RALYL: variants seen among roughly 807,000 people sequenced by gnomAD.
RALYL encodes the protein RALY RNA binding protein like.
Under a neutral mutation model 35.1 loss-of-function variants are expected in RALYL, and 29 were observed. The ratio of observed to expected loss-of-function variants is 0.83; its 90% CI spans 0.61 to 1.13. The LOEUF (loss-of-function observed/expected upper bound fraction) is 1.13. RALYL is among the 50% of genes most tolerant of loss of function. The pLI is 0.00. For synonymous variants in RALYL, 120 were observed against 127.6 expected (o/e 0.94, Z 0.40); for missense variants, 359 against 360.4 (o/e 1.00, Z 0.03).
At chr8:84,511,340 G>A (rs1357273810) in intron 1 of RALYL, among the ~76,000 whole-genome samples, 1 of 152,168 alleles carries the variant, frequency 6.6e-6, no homozygotes, top group Non-Finnish European at 1.5e-5. Context: ...ATAGAATTAA[G>A]TGAATTAATA....
intron 6 of RALYL, among the ~76,000 whole-genome samples, chr8:84,863,750 G>T (rs746302051): frequency 2.0e-5 from 3 of 152,148 alleles, no homozygotes; most frequent in Admixed American, 6.5e-5. Context: ...GCTAAAGTTT[G>T]TTGTACTCAA....
chr8:84,634,180 T>G (rs1824528555), intron 2 of RALYL, among the ~76,000 whole-genome samples: 1 of 151,840 alleles, frequency 6.6e-6, no homozygotes, highest in Non-Finnish European at 1.5e-5. Context: ...AGAGTACACA[T>G]TATAACATGC....
At chr8:84,209,305 CCT>C in intron 1 of RALYL, among the ~76,000 whole-genome samples, 1 of 152,172 alleles carries the variant, frequency 6.6e-6, no homozygotes. Context: ...TTGTAACCTC[CCT>C]TTCTGTGGCC....
At chr8:84,223,129 TTTCCTTTCCTTTC>T (rs1822751287) in intron 1 of RALYL, among the ~76,000 whole-genome samples, 2 of 146,062 alleles carry the variant, frequency 1.4e-5, no homozygotes, top group Non-Finnish European at 3.0e-5. Flanking sequence ...TTTCCTTTCC[TTTCCTTTCCTTTC>T]CTTTCCTTTC....
At chr8:84,487,157 A>G (rs2054729024) in intron 1 of RALYL, among the ~76,000 whole-genome samples, 1 of 152,150 alleles carries the variant, frequency 6.6e-6, no homozygotes, top group South Asian at 2.1e-4. Flanking sequence ...AGTGATACAT[A>G]ATAAAACATG....
At chr8:84,750,317 G>A (rs901712871) in intron 2 of RALYL, among the ~76,000 whole-genome samples, 1 of 152,122 alleles carries the variant, frequency 6.6e-6, no homozygotes, top group African/African-American at 2.4e-5. Flanking sequence ...TTTTTAACAA[G>A]ATAGAAACTA....
At chr8:84,260,828 T>C (rs1215447360) in intron 1 of RALYL, among the ~76,000 whole-genome samples, 1 of 152,188 alleles carries the variant, frequency 6.6e-6, no homozygotes, top group African/African-American at 2.4e-5. Flanking sequence ...TTCTCCTCTA[T>C]ATGTTGATTA....
intron 1 of RALYL, among the ~76,000 whole-genome samples, chr8:84,467,922 T>G (rs1004587497): frequency 3.6e-5 from 5 of 137,816 alleles, no homozygotes; most frequent in African/African-American, 1.4e-4. Context: ...TCTTTTGATC[T>G]TTGTTGGTTT....
At chr8:84,865,176 A>G (rs1838939774) in intron 6 of RALYL, among the ~76,000 whole-genome samples, 1 of 152,166 alleles carries the variant, frequency 6.6e-6, no homozygotes, top group Non-Finnish European at 1.5e-5. Context: ...TACTTTTTAT[A>G]ATTAGGTTGG....
intron 1 of RALYL, among the ~76,000 whole-genome samples, chr8:84,365,761 A>C (rs1854116866): frequency 6.6e-6 from 1 of 152,188 alleles, no homozygotes; most frequent in Non-Finnish European, 1.5e-5. Context: ...TCAGAAAATG[A>C]ATTTTTTAGA....
At chr8:84,597,745 A>G (rs185891827) in intron 2 of RALYL, among the ~76,000 whole-genome samples, 5 of 152,318 alleles carry the variant, frequency 3.3e-5, no homozygotes, top group Admixed American at 2.6e-4. Context: ...TTTAAATTTC[A>G]GTGTCCATAA....
At chr8:84,564,123 A>T (rs565598506) in intron 2 of RALYL, among the ~76,000 whole-genome samples, 1 of 151,888 alleles carries the variant, frequency 6.6e-6, no homozygotes, top group African/African-American at 2.4e-5. Flanking sequence ...TCTTCTGTCA[A>T]TTCTAACTTC....
rs1296084963 is a variant in RALYL at position 84,351,542 on chromosome 8, C to T, written c.-24+167118C>T. Among the ~76,000 whole-genome samples, 5 of 148,798 alleles carry T rather than the reference C, an allele frequency of 3.4e-5. 1 individual carries two copies. Among genetic ancestry groups the T allele is most frequent in the African/African-American group, 1.3e-4 (5 of 39,680 alleles). ...ATGATTGACTTGCCTCTGAATTATCCCTACCATGTGGCCAACTAGATACCC... is the reference window on the plus strand; with the variant it reads ...ATGATTGACTTGCCTCTGAATTATCTCTACCATGTGGCCAACTAGATACCC... On this transcript the variant is annotated intron_variant, in intron 1 of 8. Coordinates refer to ENST00000521268, the MANE Select transcript of RALYL (RefSeq NM_173848.7).
intron 2 of RALYL, among the ~76,000 whole-genome samples, chr8:84,668,638 G>A (rs1832562034): frequency 6.6e-6 from 1 of 151,886 alleles, no homozygotes; most frequent in Non-Finnish European, 1.5e-5. Flanking sequence ...AAATAGAGAG[G>A]CATATATTAT....
At chr8:84,699,746 A>G (rs1564396647) in intron 2 of RALYL, among the ~76,000 whole-genome samples, 1 of 152,112 alleles carries the variant, frequency 6.6e-6, no homozygotes, top group Non-Finnish European at 1.5e-5. Flanking sequence ...AATCACTTCC[A>G]TATGTCTGTG....
chr8:84,379,661 A>T (rs985818713), intron 1 of RALYL, among the ~76,000 whole-genome samples: 3 of 151,868 alleles, frequency 2.0e-5, no homozygotes, highest in African/African-American at 7.2e-5. Flanking sequence ...AAACAAACAA[A>T]CAAAAAACAA....
At chr8:84,754,243 A>G (rs1810818016) in intron 2 of RALYL, among the ~76,000 whole-genome samples, 1 of 150,876 alleles carries the variant, frequency 6.6e-6, no homozygotes, top group Non-Finnish European at 1.5e-5. Flanking sequence ...CTAAAACTTA[A>G]AGTATAATAA....
chr8:84,666,294 A>C (rs1832027425), intron 2 of RALYL, among the ~76,000 whole-genome samples: 1 of 152,152 alleles, frequency 6.6e-6, no homozygotes, highest in African/African-American at 2.4e-5. Context: ...TGCTCTATTG[A>C]AAAAGGGCCT....
At chr8:84,350,671 C>G (rs1180999827) in intron 1 of RALYL, among the ~76,000 whole-genome samples, 1 of 150,156 alleles carries the variant, frequency 6.7e-6, no homozygotes, top group Admixed American at 6.6e-5. Flanking sequence ...ACAAGAGGCC[C>G]CTTCTCATTA....
Sources: allele counts gnomAD v4.1 joint callset (sites outside exome capture counted in the v4.1 genomes callset), GRCh38; gene constraint gnomAD v4.1.1; transcripts MANE v1.5; gene names NCBI Gene and HGNC (gene_info 2026-07-23, HGNC 2026-07-21).